The following GAREM1 variants were observed in gnomAD, a reference collection of about 807,000 sequenced individuals.
GAREM1 encodes the protein GRB2 associated regulator of MAPK1 subtype 1.
GAREM1 carries 26 observed loss-of-function variants against 71.3 expected under a neutral mutation model. That is an observed-to-expected ratio of 0.36 (90% CI 0.27 to 0.51). The LOEUF (loss-of-function observed/expected upper bound fraction) is 0.51. Ranked by LOEUF, GAREM1 falls within the 20% of genes least tolerant of loss-of-function variation. GAREM1 has a pLI of 0.95. For synonymous variants in GAREM1, 440 were observed against 433.2 expected, an observed-to-expected ratio of 1.02 and a Z score of -0.20; for missense variants, 1,026 against 1,103.1, an observed-to-expected ratio of 0.93 and a Z score of 0.99.
In GAREM1 at chr18:32,300,672, C is replaced by T. The variant is rs75377720; in HGVS notation, c.393+9521G>A. Among the ~76,000 whole-genome samples, 289 of 152,132 alleles carry T rather than the reference C, an allele frequency of 1.9e-3. 10 individuals carry two copies. In the East Asian group the frequency reaches 0.045, roughly 24 times the overall value. ...CTGTAATCCCAGCACTTCGGGAGGC[C>T]GAGGCGGGCAAATCGCTTGAGATCG... On this transcript the variant is annotated intron_variant, in intron 3 of 5. Transcript: ENST00000269209.
rs1252614871 is a variant in GAREM1 at position 32,264,292 on chromosome 18, A to T, written c.*3579T>A. ...AACTTTTCTGGTAGACTGAAATTAA[A>T]ATTTCCTTTGAACAGTTCGCTAGGT... On this transcript the variant is annotated 3_prime_UTR_variant, in exon 6 of 6. Coordinates refer to ENST00000269209, the MANE Select transcript of GAREM1 (RefSeq NM_001242409.2). The T allele has an allele frequency of 6.6e-6, 1 of 152,198 alleles. No homozygotes were observed. Among genetic ancestry groups the T allele is most frequent in the Admixed American group, 6.5e-5 (1 of 15,280 alleles). The allele number at this position is 152,198 out of a possible 1,614,324, so 9.4% of individuals were successfully genotyped here. A position where few individuals can be genotyped will look rare whatever the true frequency, so the allele number is the denominator to read the frequency against.
intron 2 of GAREM1, among the ~76,000 whole-genome samples, chr18:32,364,759 C>T (rs529550010): frequency 6.6e-6 from 1 of 152,138 alleles, no homozygotes; most frequent in East Asian, 1.9e-4. Context: ...ACACAAGACA[C>T]GTTAACACAG....
intron 2 of GAREM1, among the ~76,000 whole-genome samples, chr18:32,391,456 G>A (rs139527675): frequency 0.013 from 1,911 of 152,286 alleles, 12 homozygotes; most frequent in Non-Finnish European, 0.019. Flanking sequence ...TTTTCACAGC[G>A]CTTTTGCGGG....
chr18:32,327,188 G>GA (rs2047482304), intron 2 of GAREM1, among the ~76,000 whole-genome samples: 1 of 151,884 alleles, frequency 6.6e-6, no homozygotes, highest in African/African-American at 2.4e-5. Context: ...TCTTGAAAAA[G>GA]AAAAAACAAA....
At chr18:32,424,912 C>A (rs1354658123) in intron 1 of GAREM1, among the ~76,000 whole-genome samples, 1 of 152,096 alleles carries the variant, frequency 6.6e-6, no homozygotes, top group African/African-American at 2.4e-5. Flanking sequence ...TTGGCACAGA[C>A]AACATCCACA....
At chr18:32,383,270 T>C (rs921274840) in intron 2 of GAREM1, among the ~76,000 whole-genome samples, 4 of 152,168 alleles carry the variant, frequency 2.6e-5, no homozygotes, top group South Asian at 2.1e-4. Context: ...ATGGTACACA[T>C]AGTTTTGTTG....
chr18:32,425,364 G>A (rs2048564399), intron 1 of GAREM1, among the ~76,000 whole-genome samples: 1 of 152,098 alleles, frequency 6.6e-6, no homozygotes, highest in African/African-American at 2.4e-5. Flanking sequence ...AGTAAAAATT[G>A]TTATCTTTTG....
chr18:32,282,914 T>A (rs1172404016), intron 4 of GAREM1, among the ~76,000 whole-genome samples: 5 of 152,232 alleles, frequency 3.3e-5, no homozygotes, highest in African/African-American at 1.2e-4. Flanking sequence ...ATTTTACATA[T>A]CAGCCAATAA....
At chr18:32,300,503 T>C (rs921304700) in intron 3 of GAREM1, among the ~76,000 whole-genome samples, 2 of 152,230 alleles carry the variant, frequency 1.3e-5, no homozygotes, top group Non-Finnish European at 2.9e-5. Context: ...ACTGTTTTTG[T>C]GTTTTCGAAG....
chr18:32,389,044 TTGTA>T (rs1248524085), intron 2 of GAREM1, among the ~76,000 whole-genome samples: 1 of 152,136 alleles, frequency 6.6e-6, no homozygotes, highest in African/African-American at 2.4e-5. Flanking sequence ...TTGTCTGTAT[TTGTA>T]TGTGCATTTG....
At chr18:32,409,866 C>T (rs865900764) in intron 1 of GAREM1, among the ~76,000 whole-genome samples, 5 of 152,218 alleles carry the variant, frequency 3.3e-5, no homozygotes, top group Admixed American at 2.0e-4. Context: ...CAACAAAAGG[C>T]CTGACATATA....
At chr18:32,332,204 G>C in intron 2 of GAREM1, among the ~76,000 whole-genome samples, 1 of 151,910 alleles carries the variant, frequency 6.6e-6, no homozygotes, top group Non-Finnish European at 1.5e-5. Flanking sequence ...ACATGGCTTA[G>C]TGTAGTCTTT....
Position 32,270,388 on chromosome 18 carries a change from C to A in GAREM1, c.1567-5G>T, listed in dbSNP as rs1362521730. On this transcript the variant is annotated splice_region_variant and splice_polypyrimidine_tract_variant and intron_variant, in intron 4 of 5. Coordinates refer to ENST00000269209, the MANE Select transcript of GAREM1 (RefSeq NM_001242409.2). ...GAGCCGGCATTCTTCTCTGACCTGG[C>A]GCAGAAAAGAACACTCCAGGTTAGC... 2 of 1,607,708 alleles carry A rather than the reference C, an allele frequency of 1.2e-6. No homozygotes were observed. The highest frequency in any genetic ancestry group is 1.1e-5 in the South Asian group (1 of 90,050).
intron 2 of GAREM1, among the ~76,000 whole-genome samples, chr18:32,343,279 T>C (rs570274136): frequency 6.7e-6 from 1 of 149,558 alleles, no homozygotes; most frequent in Non-Finnish European, 1.5e-5. Context: ...TTCAAGTAAT[T>C]CCGAAAAGCT....
chr18:32,361,358 G>A (rs987071878), intron 2 of GAREM1, among the ~76,000 whole-genome samples: 5 of 152,172 alleles, frequency 3.3e-5, no homozygotes, highest in African/African-American at 1.2e-4. Context: ...CAAGTATGGT[G>A]AGGAAGGCAA....
At chr18:32,461,351 G>C (rs2048952327) in intron 1 of GAREM1, among the ~76,000 whole-genome samples, 1 of 152,170 alleles carries the variant, frequency 6.6e-6, no homozygotes, top group Non-Finnish European at 1.5e-5. Context: ...GAAACTGGGA[G>C]TAGGGGTACA....
rs557232770 is a variant in GAREM1, at chr18:32,398,829, C to T, written c.122-5794G>A. 2.0e-4 allele frequency among the ~76,000 whole-genome samples: 30 copies of T among 152,288 alleles called. No individual in the cohort carries two copies. In the Middle Eastern group the frequency reaches 0.01, roughly 52 times the overall value. Reference sequence around the variant, plus strand: ...CTAACTCATTTTATGAGGCCAGCATCATCCTGATACCAAAGCCTGGCAGAG... The same window carrying T: ...CTAACTCATTTTATGAGGCCAGCATTATCCTGATACCAAAGCCTGGCAGAG... On this transcript the variant is annotated intron_variant, in intron 1 of 5. Transcript: ENST00000269209.
intron 2 of GAREM1, among the ~76,000 whole-genome samples, chr18:32,311,917 GGCAAGTGAC>G (rs1194586413): frequency 6.6e-6 from 1 of 152,228 alleles, no homozygotes; most frequent in Non-Finnish European, 1.5e-5. Flanking sequence ...AAGGCACAGA[GGCAAGTGAC>G]ACCAGGTAGA....
At chr18:32,467,603 T>C (rs1441330768) in intron 1 of GAREM1, among the ~76,000 whole-genome samples, 1 of 152,226 alleles carries the variant, frequency 6.6e-6, no homozygotes, top group East Asian at 1.9e-4. Context: ...TGATAATCAA[T>C]AGTTGTGAAA....
Sources: allele counts gnomAD v4.1 joint callset (sites outside exome capture counted in the v4.1 genomes callset), GRCh38; gene constraint gnomAD v4.1.1; transcripts MANE v1.5; gene names NCBI Gene and HGNC (gene_info 2026-07-23, HGNC 2026-07-21).